The following SLC1A6 variants were observed in gnomAD, a reference collection of about 807,000 sequenced individuals.
SLC1A6 encodes the protein excitatory amino acid transporter 4.
SLC1A6 carries 15 observed loss-of-function variants against 42.1 expected under a neutral mutation model. The ratio of observed to expected loss-of-function variants is 0.36; its 90% CI spans 0.24 to 0.55. The LOEUF (loss-of-function observed/expected upper bound fraction) is 0.55. Among genes scored for constraint, SLC1A6 ranks in the 20% least tolerant of loss-of-function variants. The pLI, the probability that SLC1A6 is intolerant of heterozygous loss-of-function variation, is 0.88. For synonymous variants in SLC1A6, 317 were observed against 319.7 expected, an observed-to-expected ratio of 0.99 and a Z score of 0.09; for missense variants, 542 against 772.5, an observed-to-expected ratio of 0.70 and a Z score of 3.54.
Position 15,009,416 on chromosome 19 carries a change from T to C in SLC1A6, c.6+1069A>G, listed in dbSNP as rs1480283837. 2.6e-5 allele frequency among the ~76,000 whole-genome samples: 4 copies of C among 152,236 alleles called. No individual in the cohort carries two copies. In the East Asian group the frequency reaches 7.7e-4, roughly 29 times the overall value. On this transcript the variant is annotated intron_variant, in intron 1 of 8. Transcript: ENST00000430939. ...TATATCACATATATATGCCGTGGAA[T>C]ACTTAGCCATAAAAAACAGTGAAAT...
chr19:14,966,101 A>T lies in SLC1A6; in HGVS notation c.549-1740T>A, dbSNP rs2045570807. On this transcript the variant is annotated intron_variant, in intron 4 of 9. Transcript: ENST00000594383. Reference sequence around the variant, plus strand: ...AGGTACAATGTACACTACTAGTGGGACGGATGCACTAAAATCTCAGAATTC... The same window carrying T: ...AGGTACAATGTACACTACTAGTGGGTCGGATGCACTAAAATCTCAGAATTC... 3.9e-5 allele frequency among the ~76,000 whole-genome samples: 6 copies of T among 152,192 alleles called. No individual in the cohort carries two copies. The South Asian group carries it at 1.2e-3, about 32-fold the overall frequency.
intron 6 of SLC1A6, among the ~76,000 whole-genome samples, chr19:14,958,235 A>G (rs1168871623): frequency 6.6e-6 from 1 of 152,030 alleles, no homozygotes; most frequent in Non-Finnish European, 1.5e-5. Context: ...ACATGGTGAA[A>G]TCCCATCTCT....
At chr19:14,991,621 CAAA>C (rs34838245) in intron 1 of SLC1A6, among the ~76,000 whole-genome samples, 26 of 135,436 alleles carry the variant, frequency 1.9e-4, no homozygotes, top group Non-Finnish European at 2.1e-4. Context: ...GACTCTGTGT[CAAA>C]AAAAAAAAAA....
chr19:14,962,367 C>G, intron 5 of SLC1A6, 22 bp from the exon 6 acceptor site: 1 of 1,580,574 alleles, frequency 6.3e-7, no homozygotes, highest in Non-Finnish European at 8.7e-7. Context: ...AGAGATTGCG[C>G]CCAGATTCAA....
intron 3 of SLC1A6, among the ~76,000 whole-genome samples, chr19:14,970,925 A>G (rs2045633016): frequency 6.6e-6 from 1 of 152,124 alleles, no homozygotes; most frequent in Non-Finnish European, 1.5e-5. Flanking sequence ...AGGTCAGGAA[A>G]TCGATATCAT....
intron 4 of SLC1A6, among the ~76,000 whole-genome samples, chr19:14,968,081 T>TC (rs1472417606): frequency 2.0e-5 from 3 of 151,844 alleles, no homozygotes; most frequent in African/African-American, 7.3e-5. Context: ...ACATGAATAT[T>TC]CATAGCTCCT....
intron 1 of SLC1A6, among the ~76,000 whole-genome samples, chr19:14,991,222 G>T (rs543767993): frequency 1.3e-5 from 2 of 152,272 alleles, no homozygotes; most frequent in Admixed American, 6.5e-5. Context: ...GCAGGCGGGA[G>T]AAATGATGAG....
At chr19:14,983,169 C>T (rs1448417741), upstream of SLC1A6, among the ~76,000 whole-genome samples, 8 of 152,150 alleles carry the variant, frequency 5.3e-5, no homozygotes, top group Non-Finnish European at 1.2e-4. Flanking sequence ...AGCTGCACGG[C>T]GTGAACATTT....
intron 1 of SLC1A6, among the ~76,000 whole-genome samples, chr19:14,978,623 A>G (rs62113318): frequency 0.12 from 18,679 of 151,754 alleles, 1,296 homozygotes; most frequent in African/African-American, 0.21. Flanking sequence ...ACACAACCAC[A>G]CACCTTCAGA....
chr19:14,965,098 C>A (rs553835388), intron 4 of SLC1A6, among the ~76,000 whole-genome samples: 1 of 151,838 alleles, frequency 6.6e-6, no homozygotes, highest in South Asian at 2.1e-4. Flanking sequence ...CGGCTCACTG[C>A]AACCTCCACC....
At chr19:14,972,417 G>A (rs1263353885) in intron 2 of SLC1A6, among the ~76,000 whole-genome samples, 3 of 106,990 alleles carry the variant, frequency 2.8e-5, no homozygotes, top group African/African-American at 1.2e-4. Flanking sequence ...GCACGCATAT[G>A]TGTGTGTGCA....
At chr19:14,981,492 C>T (rs1428336771), upstream of SLC1A6, among the ~76,000 whole-genome samples, 3 of 152,168 alleles carry the variant, frequency 2.0e-5, no homozygotes, top group Admixed American at 6.5e-5. Context: ...AGCCTTCTCA[C>T]TCCGCTGCTT....
rs1030981423 is a variant in SLC1A6 at position 14,963,185 on chromosome 19, C to T, written c.592-840G>A. Among the ~76,000 whole-genome samples the T allele has an allele frequency of 2.0e-5, 3 of 152,248 alleles. No homozygotes were observed. The East Asian group carries it at 5.8e-4, about 29-fold the overall frequency. On this transcript the variant is annotated intron_variant, in intron 5 of 9. Transcript: ENST00000594383. ...GTTGAACCTGGAAAACACTGTGCTA[C>T]GTGAAATAAACCAGGCACAGAAAGA...
chr19:14,968,234 A>C, intron 4 of SLC1A6, 69 bp downstream of exon 4: 2 of 1,287,490 alleles, frequency 1.6e-6, no homozygotes, highest in Non-Finnish European at 2.2e-6. Flanking sequence ...TTTGCAGGCT[A>C]TAATCTTTTA....
chr19:14,969,547 C>T (rs1014993720), intron 3 of SLC1A6, among the ~76,000 whole-genome samples: 3 of 152,206 alleles, frequency 2.0e-5, no homozygotes, highest in African/African-American at 7.2e-5. Flanking sequence ...TTTTGAAACC[C>T]ACATCTTTGC....
At position 14,950,033 on chromosome 19, in the gene SLC1A6, T is replaced by C. The variant is rs2045395828; in HGVS notation, c.*162A>G. 8.0e-6 allele frequency: 4 copies of C among 499,326 alleles called. No individual in the cohort carries two copies. The highest frequency in any genetic ancestry group is 1.0e-5 in the Non-Finnish European group (3 of 287,168). The allele number at this position is 499,326 out of a possible 1,614,324, so 30.9% of individuals were successfully genotyped here. A position where few individuals can be genotyped will look rare whatever the true frequency, so the allele number is the denominator to read the frequency against. On this transcript the variant is annotated 3_prime_UTR_variant, in exon 10 of 10. Transcript: ENST00000594383. ...CTCAGAGAGAAACAGAGACCTTATA[T>C]ACCTTTCATTCCTGCTCCTTTATTT... is the stretch of plus-strand genomic sequence containing the variant.
chr19:15,003,516 A>G (rs892324503), intron 1 of SLC1A6, among the ~76,000 whole-genome samples: 1 of 152,148 alleles, frequency 6.6e-6, no homozygotes, highest in Non-Finnish European at 1.5e-5. Context: ...AGACCAATTG[A>G]TGTGATTATC....
chr19:15,010,433 TA>T, intron 1 of SLC1A6: 1 of 470,842 alleles, frequency 2.1e-6, no homozygotes, highest in South Asian at 1.6e-5. Context: ...TGCTGGAAGG[TA>T]ACGGCGAGAG....
chr19:14,997,397 G>A (rs144506397), intron 1 of SLC1A6, among the ~76,000 whole-genome samples: 46 of 152,272 alleles, frequency 3.0e-4, no homozygotes, highest in Non-Finnish European at 5.3e-4. Flanking sequence ...AGGACCTCCT[G>A]AGGATGTATC....
Sources: gnomAD v4.1 joint callset for allele counts (sites outside exome capture counted in the v4.1 genomes callset) on GRCh38, gnomAD v4.1.1 for gene constraint, MANE v1.5 for transcripts, NCBI Gene and HGNC (gene_info 2026-07-23, HGNC 2026-07-21) for gene names.